Variants in PGM2L1 observed in about 807,000 individuals in gnomAD.
PGM2L1 encodes phosphoglucomutase 2 like 1, also known as glucose 1,6-bisphosphate synthase.
Under a neutral mutation model 73.4 loss-of-function variants are expected in PGM2L1, and 35 were observed. That is an observed-to-expected ratio of 0.48 (90% CI 0.36 to 0.63). The LOEUF is 0.63. Ranked by LOEUF, PGM2L1 falls within the 30% of genes least tolerant of loss-of-function variation. The pLI is 0.00. For missense variants in PGM2L1, 570 were observed against 742.0 expected (o/e 0.77, Z 2.69); for synonymous variants, 225 against 253.8 (o/e 0.89, Z 1.08).
chr11:74,340,376 T>C (rs987683029), intron 12 of PGM2L1, among the ~76,000 whole-genome samples: 4 of 152,210 alleles, frequency 2.6e-5, no homozygotes, highest in African/African-American at 7.2e-5. Context: ...AAAATGTGAT[T>C]CTTCTCTTCC....
chr11:74,355,653 C>T (rs894853367), intron 5 of PGM2L1: 10 of 496,826 alleles, frequency 2.0e-5, no homozygotes, highest in African/African-American at 5.9e-5. Context: ...CAATACTTTA[C>T]TAATTATGAA....
At position 74,374,475 on chromosome 11, in the gene PGM2L1, A is replaced by C; in HGVS notation, c.219T>G (p.Arg73=). The C allele has an allele frequency of 6.2e-7, 1 of 1,614,144 alleles. No homozygotes were observed. The highest frequency in any genetic ancestry group is 8.5e-7 in the Non-Finnish European group (1 of 1,179,972). ...CRMTFGTAGL[R]SAMGAGFCYI... Reference sequence around the variant, plus strand: ...AGCAAAACCCTGCCCCCATGGCAGAACGAAGTCCTGCAGTCCCAAAAGTCA... The same window carrying C: ...AGCAAAACCCTGCCCCCATGGCAGACCGAAGTCCTGCAGTCCCAAAAGTCA... Residue 73 remains arginine (R), a synonymous_variant, in exon 2 of 14, where the codon CGT becomes CGG. Coordinates refer to ENST00000298198, the MANE Select transcript of PGM2L1 (RefSeq NM_173582.6).
chr11:74,331,864 G>C lies in PGM2L1; in HGVS notation c.*4788C>G, dbSNP rs556148127. 2.6e-5 allele frequency: 4 copies of C among 152,152 alleles called. No individual in the cohort carries two copies. The highest frequency in any genetic ancestry group is 5.9e-5 in the Non-Finnish European group (4 of 68,076). 9.4% of individuals were successfully genotyped at this position (152,152 alleles called of 1,614,324 possible). A position where few individuals can be genotyped will look rare whatever the true frequency, so the allele number is the denominator to read the frequency against. ...TCATGCCCCTCTGCTTTAGGGTTAC[G>C]CTAGTGGAAAAATTTGAGCAGCAAA... On this transcript the variant is annotated 3_prime_UTR_variant, in exon 14 of 14. Coordinates refer to ENST00000298198, the MANE Select transcript of PGM2L1 (RefSeq NM_173582.6).
intron 7 of PGM2L1, among the ~76,000 whole-genome samples, 155 bp from the exon 8 acceptor site, chr11:74,346,984 A>G (rs764957351): frequency 3.3e-5 from 5 of 152,246 alleles, no homozygotes; most frequent in Non-Finnish European, 7.3e-5. Context: ...GACACCCACC[A>G]TAGACATTTC....
intron 1 of PGM2L1, among the ~76,000 whole-genome samples, chr11:74,391,394 T>C (rs1266916142): frequency 1.3e-5 from 2 of 152,070 alleles, no homozygotes; most frequent in Non-Finnish European, 1.5e-5. Context: ...TATTTTCATC[T>C]AGGATTTCTT....
intron 1 of PGM2L1, among the ~76,000 whole-genome samples, chr11:74,396,099 AT>A (rs977179201): frequency 6.6e-6 from 1 of 150,792 alleles, no homozygotes; most frequent in African/African-American, 2.4e-5. Context: ...AAAAAAAAAA[AT>A]TTTTTTTAAT....
rs11236096 is a variant in PGM2L1 at position 74,397,905 on chromosome 11, G to A, written c.111+146C>T. The A allele has an allele frequency of 0.16, 209,316 of 1,331,908 alleles. 17,809 individuals are homozygous for A. Among genetic ancestry groups the A allele is most frequent in the East Asian group, 0.29 (10,086 of 35,364 alleles). The allele number at this position is 1,331,908 out of a possible 1,614,324, so 82.5% of individuals were successfully genotyped here. A position where few individuals can be genotyped will look rare whatever the true frequency, so the allele number is the denominator to read the frequency against. On this transcript the variant is annotated intron_variant, in intron 1 of 13. Transcript: ENST00000298198. ...GTCCGAAGGAGCAACCCCACGCATA[G>A]GTGGGTGGCAACGCCCTGCTCCGCT... is the stretch of plus-strand genomic sequence containing the variant.
At chr11:74,375,640 C>T (rs958010101) in intron 1 of PGM2L1, among the ~76,000 whole-genome samples, 1 of 152,034 alleles carries the variant, frequency 6.6e-6, no homozygotes, top group Non-Finnish European at 1.5e-5. Context: ...TACATAAAAA[C>T]ATATTAATAT....
At chr11:74,354,181 C>T (rs576647177) in intron 5 of PGM2L1, among the ~76,000 whole-genome samples, 85 of 152,048 alleles carry the variant, frequency 5.6e-4, no homozygotes, top group African/African-American at 1.7e-3. Flanking sequence ...CTGTGGCCAC[C>T]TACCTCTGGA....
chr11:74,383,820 A>ATATATATATATATATATAT (rs1555102267), intron 1 of PGM2L1, among the ~76,000 whole-genome samples: 5 of 16,980 alleles, frequency 2.9e-4, no homozygotes, highest in Non-Finnish European at 7.6e-4. Context: ...GAGATATATA[A>ATATATATATATATATATAT]ATAAATATAT....
intron 8 of PGM2L1, 69 bp downstream of exon 8, chr11:74,346,663 G>T: frequency 1.7e-6 from 2 of 1,186,798 alleles, no homozygotes; most frequent in Non-Finnish European, 1.2e-6. Flanking sequence ...TTTTCAATGA[G>T]CCTGTAAGAC....
At chr11:74,351,961 C>CAAA (rs533587978) in intron 5 of PGM2L1, among the ~76,000 whole-genome samples, 4 of 134,222 alleles carry the variant, frequency 3.0e-5, no homozygotes, top group South Asian at 2.5e-4. Context: ...GACTCTGTCT[C>CAAA]AAAAAAAAAA....
At position 74,398,410 on chromosome 11, in the gene PGM2L1, C is replaced by G; in HGVS notation, c.-249G>C. Reference sequence around the variant, plus strand: ...GGCGAAGTGACTGAGGCGGTCGCGCCGCGAGAGAACAACAGTCCCAGATGT... The same window carrying G: ...GGCGAAGTGACTGAGGCGGTCGCGCGGCGAGAGAACAACAGTCCCAGATGT... On this transcript the variant is annotated 5_prime_UTR_variant, in exon 1 of 14. Transcript: ENST00000298198. 2.2e-6 allele frequency: 1 copy of G among 449,692 alleles called. No homozygotes were observed. Among genetic ancestry groups the G allele is most frequent in the Non-Finnish European group, 3.6e-6 (1 of 274,566 alleles). 27.9% of individuals were successfully genotyped at this position (449,692 alleles called of 1,614,324 possible). A position where few individuals can be genotyped will look rare whatever the true frequency, so the allele number is the denominator to read the frequency against.
At chr11:74,337,523 C>T (rs1270402440) in intron 13 of PGM2L1, among the ~76,000 whole-genome samples, 1 of 152,152 alleles carries the variant, frequency 6.6e-6, no homozygotes, top group African/African-American at 2.4e-5. Flanking sequence ...TAAAAAATCT[C>T]CTTCCCAAAT....
chr11:74,397,990 C>T, intron 1 of PGM2L1, 61 bp downstream of exon 1: 1 of 1,481,824 alleles, frequency 6.7e-7, no homozygotes. Flanking sequence ...TGGGTGGGCA[C>T]AGGAAAGAGC....
chr11:74,368,621 T>G (rs2134926333), intron 4 of PGM2L1, 46 bp from the exon 5 acceptor site: 1 of 1,472,862 alleles, frequency 6.8e-7, no homozygotes, highest in Non-Finnish European at 9.5e-7. Context: ...TCCTAGCTAT[T>G]TACACATTTG....
intron 1 of PGM2L1, among the ~76,000 whole-genome samples, chr11:74,388,249 C>G (rs1441166245): frequency 1.3e-5 from 2 of 152,118 alleles, no homozygotes; most frequent in Non-Finnish European, 2.9e-5. Flanking sequence ...ACTGTACCTA[C>G]AGTTAACCAT....
At chr11:74,354,390 G>A in intron 5 of PGM2L1, 1 of 586,740 alleles carries the variant, frequency 1.7e-6, no homozygotes. Flanking sequence ...ACTGCTTTCT[G>A]CCCGTGGATG....
chr11:74,377,198 G>A, intron 1 of PGM2L1, among the ~76,000 whole-genome samples: 1 of 150,490 alleles, frequency 6.6e-6, no homozygotes, highest in East Asian at 2.0e-4. Context: ...GCAGTGGCGC[G>A]ATCTCGGCTC....
Sources: allele counts gnomAD v4.1 joint callset (sites outside exome capture counted in the v4.1 genomes callset), GRCh38; gene constraint gnomAD v4.1.1; transcripts MANE v1.5; gene names NCBI Gene and HGNC (gene_info 2026-07-23, HGNC 2026-07-21).